The following TBC1D32 variants were observed in gnomAD, a reference collection of about 807,000 sequenced individuals.
TBC1D32 encodes protein broad-minded.
TBC1D32 carries 151 observed loss-of-function variants against 170.3 expected under a neutral mutation model. The observed-to-expected ratio is 0.89, with a 90% CI of 0.78 to 1.01. The LOEUF (loss-of-function observed/expected upper bound fraction) is 1.01. Among genes scored for constraint, TBC1D32 ranks in the 50% least tolerant of loss-of-function variants. The probability of loss-of-function intolerance (pLI) is 0.00; values close to 1 mark genes in which losing one functional copy is unlikely to be tolerated. For synonymous variants in TBC1D32, 498 were observed against 488.0 expected (o/e 1.02, Z -0.27); for missense variants, 1,464 against 1,457.1 (o/e 1.00, Z -0.08).
At chr6:121,088,126 CT>C (rs1401641630) in intron 31 of TBC1D32, among the ~76,000 whole-genome samples, 2 of 151,142 alleles carry the variant, frequency 1.3e-5, no homozygotes, top group East Asian at 1.9e-4. Context: ...AATTTTTGTA[CT>C]TTTTTTTGGT....
intron 12 of TBC1D32, among the ~76,000 whole-genome samples, chr6:121,287,816 T>G (rs374629260): frequency 6.6e-6 from 1 of 152,164 alleles, no homozygotes; most frequent in Non-Finnish European, 1.5e-5. Flanking sequence ...CAGACCACAG[T>G]GCAATCAAAC....
In TBC1D32 at chr6:121,173,435, C is replaced by G. The variant is rs779951195; in HGVS notation, c.2571-12379G>C. 5.9e-5 allele frequency among the ~76,000 whole-genome samples: 9 copies of G among 151,890 alleles called. No homozygotes were observed. The East Asian group carries it at 7.8e-4, about 13-fold the overall frequency. ...TATTGGTTCTGTCCCTCTAAAGAAC[C>G]CTGACCAATATGAAAATAAAAGCAA... On this transcript the variant is annotated intron_variant, in intron 22 of 31. Coordinates refer to ENST00000398212, the MANE Select transcript of TBC1D32 (RefSeq NM_152730.6).
intron 12 of TBC1D32, among the ~76,000 whole-genome samples, chr6:121,284,111 C>A (rs1343430248): frequency 1.3e-5 from 2 of 152,004 alleles, no homozygotes; most frequent in African/African-American, 4.8e-5. Context: ...GCAAGCAATG[C>A]TGTAGGTGCT....
rs1779579793 is a variant in TBC1D32, at chr6:121,115,252, C to T, written c.2984-11G>A. 1 of 1,577,960 alleles carries T rather than the reference C, an allele frequency of 6.3e-7. No individual in the cohort carries two copies. Among genetic ancestry groups the T allele is most frequent in the Non-Finnish European group, 8.6e-7 (1 of 1,159,324 alleles). On this transcript the variant is annotated splice_polypyrimidine_tract_variant and intron_variant, in intron 26 of 31. Coordinates refer to ENST00000398212, the MANE Select transcript of TBC1D32 (RefSeq NM_152730.6). ...CATTTGCATCAGTAGCTAAAGACAA[C>T]AGAAAACTGAGTTATAAAGTGCAGA...
chr6:121,191,203 C>T lies in TBC1D32; in HGVS notation c.2570+13872G>A, dbSNP rs949398749. Among the ~76,000 whole-genome samples, 3 of 152,114 alleles carry T rather than the reference C, an allele frequency of 2.0e-5. No individual in the cohort carries two copies. The South Asian group carries it at 6.2e-4, about 31-fold the overall frequency. ...GAAATTTTTGTTATATACATGCATG[C>T]ACACCCATGTGCACACATATGTATC... On this transcript the variant is annotated intron_variant, in intron 22 of 31. Transcript: ENST00000398212.
At chr6:121,126,745 C>T (rs1258466502) in intron 25 of TBC1D32, among the ~76,000 whole-genome samples, 1 of 150,446 alleles carries the variant, frequency 6.6e-6, no homozygotes, top group Non-Finnish European at 1.5e-5. Flanking sequence ...TAAATGATTT[C>T]AAAACTGAAA....
At chr6:121,287,120 T>C (rs187344540) in intron 12 of TBC1D32, among the ~76,000 whole-genome samples, 2,260 of 152,196 alleles carry the variant, frequency 0.015, 40 homozygotes, top group African/African-American at 0.044. Flanking sequence ...CCAGCTAACA[T>C]CATAATGACA....
chr6:121,258,642 A>C (rs1478899623), intron 15 of TBC1D32, among the ~76,000 whole-genome samples: 2 of 152,152 alleles, frequency 1.3e-5, no homozygotes, highest in African/African-American at 4.8e-5. Flanking sequence ...TAAAAATATA[A>C]ACAAATATGA....
At chr6:121,216,278 A>G (rs1002205740) in intron 21 of TBC1D32, among the ~76,000 whole-genome samples, 7 of 152,174 alleles carry the variant, frequency 4.6e-5, no homozygotes, top group African/African-American at 1.4e-4. Context: ...TCAGACTCCA[A>G]GTTCTTTAGT....
intron 26 of TBC1D32, among the ~76,000 whole-genome samples, chr6:121,122,631 C>A (rs1255072725): frequency 6.6e-6 from 1 of 152,070 alleles, no homozygotes; most frequent in Non-Finnish European, 1.5e-5. Context: ...TCACTCCTAA[C>A]TAAAACTTCC....
chr6:121,107,526 G>A (rs944837019), intron 29 of TBC1D32, among the ~76,000 whole-genome samples: 1 of 151,738 alleles, frequency 6.6e-6, no homozygotes, highest in East Asian at 1.9e-4. Context: ...ACTTTATATC[G>A]ATATGTAGAA....
intron 21 of TBC1D32, among the ~76,000 whole-genome samples, chr6:121,217,898 CATA>C (rs1242532675): frequency 6.6e-6 from 1 of 152,172 alleles, no homozygotes; most frequent in African/African-American, 2.4e-5. Context: ...AGGGAAGAAT[CATA>C]ATGATTTCCA....
rs1777057718 is a variant in TBC1D32 at position 121,093,525 on chromosome 6, T to A, written c.3466-2484A>T. Among the ~76,000 whole-genome samples, 4 of 152,112 alleles carry A rather than the reference T, an allele frequency of 2.6e-5. No individual in the cohort carries two copies. In the South Asian group the frequency reaches 8.3e-4, roughly 32 times the overall value. ...CGAGAATGAAAATAAATACAAACGA[T>A]CTCCACAGCTAGAGAAAACAGTTCC... On this transcript the variant is annotated intron_variant, in intron 30 of 31. Coordinates refer to ENST00000398212, the MANE Select transcript of TBC1D32 (RefSeq NM_152730.6).
At chr6:121,277,896 A>G (rs559066290) in intron 15 of TBC1D32, among the ~76,000 whole-genome samples, 1 of 151,984 alleles carries the variant, frequency 6.6e-6, no homozygotes, top group South Asian at 2.1e-4. Flanking sequence ...AAAAGAGAAG[A>G]CACAAATTAC....
At position 121,133,143 on chromosome 6, in the gene TBC1D32, A is replaced by G. The variant is rs192711289; in HGVS notation, c.2774-1391T>C. On this transcript the variant is annotated intron_variant, in intron 24 of 31. Transcript: ENST00000398212. ...CTACAAAATCATCTACCTAAGCTCT[A>G]TTTTAGGTTAATTAACCCCACCAGC... is the stretch of plus-strand genomic sequence containing the variant. Among the ~76,000 whole-genome samples, 159 of 152,060 alleles carry G rather than the reference A, an allele frequency of 1.0e-3. 2 individuals carry two copies. Among genetic ancestry groups the G allele is most frequent in the Non-Finnish European group, 3.8e-4 (26 of 67,834 alleles).
intron 22 of TBC1D32, among the ~76,000 whole-genome samples, chr6:121,195,874 A>AGTGCACCAGGTT (rs887739326): frequency 5.9e-5 from 9 of 152,240 alleles, no homozygotes; most frequent in African/African-American, 1.9e-4. Context: ...AACTTCGAGC[A>AGTGCACCAGGTT]GTGCACCAGG....
At chr6:121,268,685 C>T (rs569460142) in intron 15 of TBC1D32, among the ~76,000 whole-genome samples, 3 of 152,294 alleles carry the variant, frequency 2.0e-5, no homozygotes, top group Admixed American at 1.3e-4. Flanking sequence ...GGAAAACGTT[C>T]TTCAGGATAT....
intron 21 of TBC1D32, among the ~76,000 whole-genome samples, chr6:121,214,196 T>C (rs568427020): frequency 3.9e-5 from 6 of 152,230 alleles, no homozygotes; most frequent in Non-Finnish European, 7.3e-5. Context: ...AAAGACAGTA[T>C]AGGCAATACC....
chr6:121,214,911 A>C (rs974030835), intron 21 of TBC1D32, among the ~76,000 whole-genome samples: 1 of 152,194 alleles, frequency 6.6e-6, no homozygotes, highest in Admixed American at 6.5e-5. Flanking sequence ...GCAACAATAC[A>C]GCTCTCAGGA....
Sources: allele counts gnomAD v4.1 joint callset (sites outside exome capture counted in the v4.1 genomes callset), GRCh38; gene constraint gnomAD v4.1.1; transcripts MANE v1.5; gene names NCBI Gene and HGNC (gene_info 2026-07-23, HGNC 2026-07-21).